MCU: variants seen among roughly 807,000 people sequenced by gnomAD.
MCU encodes the protein mitochondrial calcium uniporter.
Under a neutral mutation model 45.2 loss-of-function variants are expected in MCU, and 12 were observed. That is an observed-to-expected ratio of 0.27 (90% CI 0.17 to 0.43). The LOEUF (loss-of-function observed/expected upper bound fraction) is 0.43. Among genes scored for constraint, MCU ranks in the 20% least tolerant of loss-of-function variants. MCU has a pLI of 1.00. For synonymous variants in MCU, 160 were observed against 165.1 expected (o/e 0.97, Z 0.24); for missense variants, 324 against 436.7 (o/e 0.74, Z 2.30).
At chr10:72,714,891 T>C (rs1842939885) in intron 1 of MCU, among the ~76,000 whole-genome samples, 2 of 152,230 alleles carry the variant, frequency 1.3e-5, no homozygotes, top group Non-Finnish European at 2.9e-5. Context: ...TTAGAGTTTC[T>C]TACGGTCAAT....
chr10:72,842,152 C>T (rs1394069612), intron 2 of MCU, among the ~76,000 whole-genome samples: 2 of 152,160 alleles, frequency 1.3e-5, no homozygotes, highest in Non-Finnish European at 2.9e-5. Flanking sequence ...GTGGCGCACA[C>T]CTGTAGTCCT....
intron 1 of MCU, among the ~76,000 whole-genome samples, chr10:72,717,987 T>C (rs1312603118): frequency 6.6e-6 from 1 of 152,234 alleles, no homozygotes; most frequent in Non-Finnish European, 1.5e-5. Context: ...TACATTACTT[T>C]GGTACATTTG....
intron 1 of MCU, among the ~76,000 whole-genome samples, chr10:72,816,081 G>C (rs1437362248): frequency 1.3e-5 from 2 of 152,102 alleles, no homozygotes; most frequent in Admixed American, 6.6e-5. Context: ...TGAGGCACGA[G>C]AATCACTTGA....
At chr10:72,773,703 A>G (rs146389517) in intron 1 of MCU, among the ~76,000 whole-genome samples, 1 of 152,342 alleles carries the variant, frequency 6.6e-6, no homozygotes, top group African/African-American at 2.4e-5. Flanking sequence ...AAAGTTAAGA[A>G]CAGAAAGAGG....
At chr10:72,805,178 T>TCTTTCCTTCC (rs1844425661) in intron 1 of MCU, among the ~76,000 whole-genome samples, 2 of 140,440 alleles carry the variant, frequency 1.4e-5, no homozygotes, top group African/African-American at 6.2e-5. Context: ...TCTCTCTCTC[T>TCTTTCCTTCC]TTCCTTCCTT....
At chr10:72,811,004 T>C (rs996306426) in intron 1 of MCU, among the ~76,000 whole-genome samples, 1 of 152,208 alleles carries the variant, frequency 6.6e-6, no homozygotes, top group Admixed American at 6.5e-5. Context: ...ACTTGGTAAC[T>C]TCTATTGGTT....
chr10:72,791,597 T>C (rs1255443347), intron 1 of MCU, among the ~76,000 whole-genome samples: 1 of 152,184 alleles, frequency 6.6e-6, no homozygotes, highest in East Asian at 1.9e-4. Flanking sequence ...TGTGTAGATA[T>C]AGGATAAGTT....
chr10:72,861,136 C>A (rs566210633), intron 4 of MCU, among the ~76,000 whole-genome samples: 2 of 152,126 alleles, frequency 1.3e-5, no homozygotes, highest in South Asian at 4.2e-4. Flanking sequence ...CCTGCCTCAT[C>A]CTCTCAAGCA....
rs1844537869 is a variant in MCU, at chr10:72,811,159, A to G, written c.151-23200A>G. ...TTACTGCCAATTTCTCAAGGCGAAA[A>G]TGCGTAATTTATAATGTAGGAAAGA... On this transcript the variant is annotated intron_variant, in intron 1 of 7. Transcript: ENST00000373053. 2.0e-5 allele frequency among the ~76,000 whole-genome samples: 3 copies of G among 152,222 alleles called. No homozygotes were observed. In the South Asian group the frequency reaches 6.2e-4, roughly 32 times the overall value.
intron 1 of MCU, among the ~76,000 whole-genome samples, chr10:72,770,223 G>GT (rs1300538872): frequency 6.6e-6 from 1 of 151,984 alleles, no homozygotes; most frequent in African/African-American, 2.4e-5. Flanking sequence ...AGCATGTGAT[G>GT]TCTTATATTT....
At chr10:72,697,108 T>A (rs1357176622) in intron 1 of MCU, among the ~76,000 whole-genome samples, 1 of 152,016 alleles carries the variant, frequency 6.6e-6, no homozygotes, top group Non-Finnish European at 1.5e-5. Flanking sequence ...AAGAACAGAC[T>A]TCTTCTATTT....
chr10:72,733,681 AT>A, intron 1 of MCU, among the ~76,000 whole-genome samples: 3 of 82,870 alleles, frequency 3.6e-5, no homozygotes, highest in Non-Finnish European at 8.8e-5. Context: ...TATATGTTTC[AT>A]ATATATATAT....
At chr10:72,716,389 G>A (rs1842955347) in intron 1 of MCU, among the ~76,000 whole-genome samples, 1 of 152,236 alleles carries the variant, frequency 6.6e-6, no homozygotes, top group African/African-American at 2.4e-5. Flanking sequence ...AATATGCATA[G>A]TGGTATGATT....
chr10:72,743,038 G>A (rs1843358092), intron 1 of MCU, among the ~76,000 whole-genome samples: 1 of 151,062 alleles, frequency 6.6e-6, no homozygotes, highest in South Asian at 2.1e-4. Flanking sequence ...GTGAGGGGGA[G>A]AGAGAGAGAG....
chr10:72,746,419 A>G (rs1843415774), intron 1 of MCU, among the ~76,000 whole-genome samples: 1 of 152,218 alleles, frequency 6.6e-6, no homozygotes, highest in African/African-American at 2.4e-5. Context: ...TAGAGGCATA[A>G]ATGTTATCTG....
chr10:72,692,390 C>T (rs1443643610), intron 1 of MCU, 89 bp downstream of exon 1: 1 of 1,009,730 alleles, frequency 9.9e-7, no homozygotes, highest in Non-Finnish European at 1.2e-6. Context: ...GGGCAGCAGG[C>T]GAGTTACCTC....
chr10:72,813,188 G>A (rs1180185822), intron 1 of MCU, among the ~76,000 whole-genome samples: 2 of 152,098 alleles, frequency 1.3e-5, no homozygotes, highest in African/African-American at 4.8e-5. Flanking sequence ...GAACCCATTG[G>A]AACATAAATT....
intron 1 of MCU, among the ~76,000 whole-genome samples, chr10:72,742,972 T>C (rs1193057213): frequency 6.6e-6 from 1 of 151,782 alleles, no homozygotes. Context: ...CGAATGGACA[T>C]GTGAGAACAT....
chr10:72,862,268 A>G (rs1845390761), intron 4 of MCU, among the ~76,000 whole-genome samples: 1 of 152,118 alleles, frequency 6.6e-6, no homozygotes, highest in South Asian at 2.1e-4. Flanking sequence ...GGCGTGAGCC[A>G]CCGCACCCGG....
Sources: allele counts gnomAD v4.1 joint callset (sites outside exome capture counted in the v4.1 genomes callset), GRCh38; gene constraint gnomAD v4.1.1; transcripts MANE v1.5; gene names NCBI Gene and HGNC (gene_info 2026-07-23, HGNC 2026-07-21).